The following SNAP25 variants were observed in gnomAD, a reference collection of about 807,000 sequenced individuals.
The protein encoded by SNAP25 is synaptosome associated protein 25.
SNAP25 carries 3 observed loss-of-function variants against 28.7 expected under a neutral mutation model. The ratio of observed to expected loss-of-function variants is 0.10; its 90% CI spans 0.05 to 0.27. The LOEUF (loss-of-function observed/expected upper bound fraction) is 0.27. SNAP25 is among the 10% of genes least tolerant of loss of function. SNAP25 has a pLI of 1.00. For missense variants in SNAP25, 117 were observed against 278.7 expected (o/e 0.42, Z 4.13); for synonymous variants, 61 against 88.1 (o/e 0.69, Z 1.72).
rs868005866 is a variant in SNAP25 at position 10,234,191 on chromosome 20, T to G, written c.-64+15214T>G. ...GTTTCCCCACTATTATTTAATTTTT[T>G]TTTTTGAACTTCATCACAGTTCTGG... On this transcript the variant is annotated intron_variant, in intron 1 of 7. Transcript: ENST00000254976. 3.1e-3 allele frequency among the ~76,000 whole-genome samples: 470 copies of G among 152,352 alleles called. 2 individuals are homozygous for G. Among genetic ancestry groups the G allele is most frequent in the Middle Eastern group, 0.017 (5 of 294 alleles).
chr20:10,275,542 G>A lies in SNAP25; in HGVS notation c.51G>A (p.Arg17=), dbSNP rs1439231615. 2 of 1,602,056 alleles carry A rather than the reference G, an allele frequency of 1.2e-6. No individual in the cohort carries two copies. Among genetic ancestry groups the A allele is most frequent in the Admixed American group, 3.4e-5 (2 of 59,002 alleles). ...MRNELEEMQR[R]ADQLADESLE... is the part of the protein sequence containing the mutation. ...ATGAGCTGGAGGAGATGCAGCGAAGGGCTGACCAGTTGGCTGATGAGGTAA... is the reference window on the plus strand; with the variant it reads ...ATGAGCTGGAGGAGATGCAGCGAAGAGCTGACCAGTTGGCTGATGAGGTAA... Residue 17 remains arginine (R), a synonymous_variant, in exon 2 of 8, where the codon AGG becomes AGA. Transcript: ENST00000254976.
rs192913274 is a variant in SNAP25 at position 10,293,784 on chromosome 20, A to C, written c.281+506A>C. On this transcript the variant is annotated intron_variant, in intron 5 of 7. Transcript: ENST00000254976. The surrounding 1 kb of genome is among the most constrained non-coding windows in gnomAD (Gnocchi z 5.6). The stretch of plus-strand genomic sequence containing the variant: ...CCTTTCTACTGCCCACCAGTTGCCA[A>C]ATTTTGTCAATAGATGCTGCCACTG... Among the ~76,000 whole-genome samples, 1 of 152,288 alleles carries C rather than the reference A, an allele frequency of 6.6e-6. No individual in the cohort carries two copies. The highest frequency in any genetic ancestry group is 6.5e-5 in the Admixed American group (1 of 15,300).
intron 3 of SNAP25, among the ~76,000 whole-genome samples, chr20:10,282,980 G>A (rs780722651): frequency 2.6e-5 from 4 of 152,138 alleles, no homozygotes; most frequent in Non-Finnish European, 5.9e-5. Context: ...CAATATGTCA[G>A]GGAGCTTGTT....
In SNAP25 at chr20:10,277,693, A is replaced by G. The variant is rs775021479; in HGVS notation, c.81A>G (p.Glu27=). Residue 27 remains glutamate, a synonymous_variant, in exon 3 of 8, where the codon GAA becomes GAG. Transcript: ENST00000254976. ...TGTTTTTTAAATCTTAGTCGCTGGA[A>G]AGCACCCGTCGTATGCTGCAACTGG... The part of the protein sequence containing the change: ...RADQLADESL[E]STRRMLQLVE... 1.9e-6 allele frequency: 3 copies of G among 1,613,656 alleles called. No individual in the cohort carries two copies. In the South Asian group the frequency reaches 3.3e-5, roughly 18 times the overall value.
intron 1 of SNAP25, among the ~76,000 whole-genome samples, chr20:10,241,111 G>T (rs781145797): frequency 9.9e-5 from 15 of 152,250 alleles, no homozygotes; most frequent in African/African-American, 3.6e-4. Context: ...GGCCGACATG[G>T]GCTTTCCTGA....
chr20:10,267,759 C>G (rs955149680), intron 1 of SNAP25, among the ~76,000 whole-genome samples: 1 of 152,142 alleles, frequency 6.6e-6, no homozygotes, highest in Admixed American at 6.5e-5. Context: ...ACCCTGTTGG[C>G]CAGGATGGTC....
intron 1 of SNAP25, among the ~76,000 whole-genome samples, chr20:10,266,061 G>GA (rs1485551676): frequency 6.6e-6 from 1 of 152,166 alleles, no homozygotes; most frequent in African/African-American, 2.4e-5. Context: ...CTATTATTAT[G>GA]AAGAGTGTTT....
intron 1 of SNAP25, among the ~76,000 whole-genome samples, chr20:10,271,381 G>A (rs576294567): frequency 5.4e-4 from 82 of 152,304 alleles, no homozygotes; most frequent in African/African-American, 1.9e-3. Flanking sequence ...CTCTCCAGCC[G>A]TTCTTATTAG....
chr20:10,273,304 G>GT (rs891590268), intron 1 of SNAP25, among the ~76,000 whole-genome samples: 1 of 152,044 alleles, frequency 6.6e-6, no homozygotes, highest in South Asian at 2.1e-4. Flanking sequence ...ACAAAAATAT[G>GT]TTTTTTGGTT....
intron 1 of SNAP25, among the ~76,000 whole-genome samples, chr20:10,261,883 AATT>A (rs2063419858): frequency 6.6e-6 from 1 of 152,204 alleles, no homozygotes; most frequent in Non-Finnish European, 1.5e-5. Flanking sequence ...GGAAAACAGA[AATT>A]ATGTTGATCA....
chr20:10,268,442 A>C (rs977656278), intron 1 of SNAP25, among the ~76,000 whole-genome samples: 8 of 152,214 alleles, frequency 5.3e-5, no homozygotes, highest in Admixed American at 6.5e-5. Context: ...AACAGAAAGA[A>C]ATATATTAGA....
intron 1 of SNAP25, among the ~76,000 whole-genome samples, chr20:10,270,453 C>G (rs2063574085): frequency 6.6e-6 from 1 of 152,096 alleles, no homozygotes; most frequent in African/African-American, 2.4e-5. Context: ...AATACCAGCA[C>G]TTTGGGAGGC....
intron 7 of SNAP25, among the ~76,000 whole-genome samples, chr20:10,300,620 T>C (rs2123168212): frequency 6.6e-6 from 1 of 152,298 alleles, no homozygotes; most frequent in East Asian, 1.9e-4. Context: ...CAACCTCCAA[T>C]GACTTGAAAA....
chr20:10,251,643 T>C (rs912086484), intron 1 of SNAP25, among the ~76,000 whole-genome samples: 3 of 152,216 alleles, frequency 2.0e-5, no homozygotes, highest in Admixed American at 6.5e-5. Flanking sequence ...CATAAATCTA[T>C]TTGAATGGAG....
intron 3 of SNAP25, among the ~76,000 whole-genome samples, chr20:10,280,680 T>C (rs2063764460): frequency 6.6e-6 from 1 of 152,230 alleles, no homozygotes; most frequent in African/African-American, 2.4e-5. Flanking sequence ...CCTTGGGCTA[T>C]GTAAATTAAG....
chr20:10,292,856 C>A, intron 4 of SNAP25: 1 of 1,502,288 alleles, frequency 6.7e-7, no homozygotes, highest in Non-Finnish European at 9.1e-7. Flanking sequence ...ATTCATTCCA[C>A]ACTGTCATCC....
At chr20:10,254,838 C>T (rs937827965) in intron 1 of SNAP25, among the ~76,000 whole-genome samples, 11 of 152,304 alleles carry the variant, frequency 7.2e-5, no homozygotes, top group Non-Finnish European at 1.6e-4. Flanking sequence ...TGGGCAGTCT[C>T]GGAGCCTCAT....
At chr20:10,221,190 G>A (rs1022796410) in intron 1 of SNAP25, among the ~76,000 whole-genome samples, 2 of 152,146 alleles carry the variant, frequency 1.3e-5, no homozygotes, top group African/African-American at 2.4e-5. Flanking sequence ...TAATGCTGCC[G>A]GAATTACGTG....
intron 1 of SNAP25, among the ~76,000 whole-genome samples, chr20:10,232,260 C>T (rs1449724595): frequency 6.6e-6 from 1 of 152,190 alleles, no homozygotes; most frequent in Non-Finnish European, 1.5e-5. Flanking sequence ...TCTGTATCCT[C>T]GATTCAAAAA....
Sources: gnomAD v4.1 joint callset for allele counts (sites outside exome capture counted in the v4.1 genomes callset) on GRCh38, gnomAD v4.1.1 for gene constraint, Gnocchi (gnomAD v3.1) non-coding constraint, MANE v1.5 for transcripts, NCBI Gene and HGNC (gene_info 2026-07-23, HGNC 2026-07-21) for gene names.